Variants in L3MBTL4 observed in about 807,000 individuals in gnomAD.
L3MBTL4 encodes L3MBTL histone methyl-lysine binding protein 4.
A neutral mutation model predicts 84.5 loss-of-function variants in L3MBTL4; 70 were observed. That is an observed-to-expected ratio of 0.83 (90% CI 0.68 to 1.01). The LOEUF (loss-of-function observed/expected upper bound fraction) is 1.01, where lower values mean the gene tolerates loss of function less well. Ranked by LOEUF, L3MBTL4 falls within the 50% of genes least tolerant of loss-of-function variation. The pLI is 0.00. For missense variants in L3MBTL4, 715 were observed against 754.8 expected, an observed-to-expected ratio of 0.95 and a Z score of 0.62; for synonymous variants, 274 against 259.8, an observed-to-expected ratio of 1.05 and a Z score of -0.52.
At chr18:5,958,504 C>T (rs2095245979) in intron 18 of L3MBTL4, among the ~76,000 whole-genome samples, 1 of 152,188 alleles carries the variant, frequency 6.6e-6, no homozygotes, top group Admixed American at 6.5e-5. Context: ...GTGACAACAA[C>T]AGCTAACATT....
intron 12 of L3MBTL4, among the ~76,000 whole-genome samples, chr18:6,189,655 T>C (rs947715123): frequency 1.2e-4 from 19 of 152,068 alleles, no homozygotes; most frequent in Non-Finnish European, 2.8e-4. Flanking sequence ...AGAAAATGGA[T>C]ATAAAGTTGG....
chr18:6,122,137 C>T (rs192914672), intron 14 of L3MBTL4, among the ~76,000 whole-genome samples: 173 of 152,262 alleles, frequency 1.1e-3, no homozygotes, highest in Non-Finnish European at 2.1e-3. Context: ...CACAGGGCTG[C>T]TCTGTGTATT....
chr18:6,085,850 G>A (rs1485107341), intron 15 of L3MBTL4, among the ~76,000 whole-genome samples: 1 of 152,218 alleles, frequency 6.6e-6, no homozygotes, highest in Non-Finnish European at 1.5e-5. Context: ...AAAAGGTACA[G>A]AGAACAGGTG....
chr18:6,314,174 A>G (rs112519381), intron 1 of L3MBTL4, among the ~76,000 whole-genome samples: 47 of 152,364 alleles, frequency 3.1e-4, no homozygotes, highest in Non-Finnish European at 5.0e-4. Context: ...TCAACCGAAT[A>G]GGACATTTCT....
intron 10 of L3MBTL4, among the ~76,000 whole-genome samples, chr18:6,233,944 G>A (rs1178633405): frequency 5.3e-5 from 8 of 152,164 alleles, no homozygotes; most frequent in Admixed American, 5.2e-4. Flanking sequence ...AACCATAACA[G>A]CATGGTACTG....
chr18:6,014,082 G>A (rs1382885126), intron 16 of L3MBTL4, among the ~76,000 whole-genome samples: 4 of 152,124 alleles, frequency 2.6e-5, no homozygotes, highest in African/African-American at 7.2e-5. Flanking sequence ...ATTACTCTGG[G>A]CCTCGATTTT....
At chr18:6,237,843 A>G (rs937668841) in intron 10 of L3MBTL4, 121 bp downstream of exon 10, 3 of 760,470 alleles carry the variant, frequency 3.9e-6, no homozygotes, top group Middle Eastern at 2.6e-4. Flanking sequence ...AGAATCTCAC[A>G]TAGTGTTTTT....
chr18:6,008,136 C>A (rs888722064), intron 16 of L3MBTL4, among the ~76,000 whole-genome samples: 7 of 152,048 alleles, frequency 4.6e-5, no homozygotes, highest in African/African-American at 1.7e-4. Flanking sequence ...GAAATATGAC[C>A]TTTCTTTGAT....
intron 4 of L3MBTL4, among the ~76,000 whole-genome samples, chr18:6,271,118 G>T (rs557768436): frequency 1.3e-5 from 2 of 152,270 alleles, no homozygotes; most frequent in African/African-American, 4.8e-5. Context: ...GTGGTTTGGG[G>T]TTGGTTTTGT....
intron 1 of L3MBTL4, among the ~76,000 whole-genome samples, chr18:6,401,103 A>G (rs1311082198): frequency 6.6e-6 from 1 of 152,082 alleles, no homozygotes; most frequent in African/African-American, 2.4e-5. Context: ...CCCTTCAAAC[A>G]CAATCTGACA....
intron 17 of L3MBTL4, among the ~76,000 whole-genome samples, chr18:5,968,990 C>G (rs1161192364): frequency 6.6e-6 from 1 of 152,144 alleles, no homozygotes; most frequent in Non-Finnish European, 1.5e-5. Context: ...GCAGGATGTC[C>G]TGGGCTGGGC....
intron 4 of L3MBTL4, among the ~76,000 whole-genome samples, chr18:6,271,456 A>G (rs1388318305): frequency 1.3e-5 from 2 of 152,180 alleles, no homozygotes; most frequent in African/African-American, 2.4e-5. Flanking sequence ...TGGGGCGGCA[A>G]AGGGAGAAGG....
rs771272841 is a variant in L3MBTL4 at position 5,955,978 on chromosome 18, G to A, written c.*242C>T. 2.8e-5 allele frequency: 12 copies of A among 429,472 alleles called. No individual in the cohort carries two copies. Among genetic ancestry groups the A allele is most frequent in the South Asian group, 8.5e-5 (2 of 23,608 alleles). The allele number at this position is 429,472 out of a possible 1,614,324, so 26.6% of individuals were successfully genotyped here. A position where few individuals can be genotyped will look rare whatever the true frequency, so the allele number is the denominator to read the frequency against. ...TCTTGCAAACAAATCAGAGCTGAGC[G>A]GATCCCACCAAAGATAACAATGTTC... On this transcript the variant is annotated 3_prime_UTR_variant, in exon 19 of 19. Transcript: ENST00000317931.
chr18:6,324,661 G>A (rs1040449203), intron 1 of L3MBTL4, among the ~76,000 whole-genome samples: 1 of 152,154 alleles, frequency 6.6e-6, no homozygotes, highest in Admixed American at 6.6e-5. Flanking sequence ...TGCTCCTTTA[G>A]AGTGGGCCCC....
intron 13 of L3MBTL4, among the ~76,000 whole-genome samples, chr18:6,146,112 C>T (rs112362387): frequency 6.6e-6 from 1 of 152,212 alleles, no homozygotes; most frequent in African/African-American, 2.4e-5. Context: ...GGAGATGAGA[C>T]GGCGTGGGCC....
chr18:6,358,320 C>A (rs527771466), intron 1 of L3MBTL4, among the ~76,000 whole-genome samples: 72 of 152,198 alleles, frequency 4.7e-4, no homozygotes, highest in African/African-American at 1.6e-3. Context: ...AAACTGAAGG[C>A]CAAAGAAATG....
intron 13 of L3MBTL4, among the ~76,000 whole-genome samples, chr18:6,139,934 C>A (rs1305758718): frequency 2.0e-5 from 3 of 152,118 alleles, no homozygotes; most frequent in African/African-American, 7.2e-5. Context: ...CCATGTTCTG[C>A]TCTGTCCCAA....
intron 13 of L3MBTL4, among the ~76,000 whole-genome samples, chr18:6,169,155 C>T (rs1008052148): frequency 1.3e-4 from 20 of 152,026 alleles, no homozygotes; most frequent in Non-Finnish European, 2.2e-4. Flanking sequence ...GTTAGAATGG[C>T]GATCATTAAA....
intron 4 of L3MBTL4, among the ~76,000 whole-genome samples, chr18:6,299,376 G>A (rs2050236212): frequency 6.6e-6 from 1 of 152,116 alleles, no homozygotes; most frequent in Admixed American, 6.5e-5. Context: ...CTGCCTTTGT[G>A]TTAATAGCTA....
Sources: allele counts gnomAD v4.1 joint callset (sites outside exome capture counted in the v4.1 genomes callset), GRCh38; gene constraint gnomAD v4.1.1; transcripts MANE v1.5; gene names NCBI Gene and HGNC (gene_info 2026-07-23, HGNC 2026-07-21).